TNR: variants seen among roughly 807,000 people sequenced by gnomAD.
The protein encoded by TNR is tenascin R, also known as tenascin-R.
Under a neutral mutation model 150.4 loss-of-function variants are expected in TNR, and 45 were observed. The observed-to-expected ratio is 0.30, with a 90% CI of 0.24 to 0.38. TNR has a LOEUF of 0.38. Among genes scored for constraint, TNR ranks in the 10% least tolerant of loss-of-function variants. The probability of loss-of-function intolerance (pLI) is 1.00; values close to 1 mark genes in which losing one functional copy is unlikely to be tolerated. For missense variants in TNR, 1,544 were observed against 1,759.1 expected, an observed-to-expected ratio of 0.88 and a Z score of 2.19; for synonymous variants, 687 against 678.4, an observed-to-expected ratio of 1.01 and a Z score of -0.20.
rs866372140 is a variant in TNR at position 175,546,918 on chromosome 1, C to T, written c.-164-18549G>A. ...CAAGTTGACCAGAGTCAATTTTTTCCCAGATAAGGAACTGGAGGCCAGTAA... is the reference window on the plus strand; with the variant it reads ...CAAGTTGACCAGAGTCAATTTTTTCTCAGATAAGGAACTGGAGGCCAGTAA... On this transcript the variant is annotated intron_variant, in intron 1 of 22. Transcript: ENST00000367674. Among the ~76,000 whole-genome samples the T allele has an allele frequency of 4.6e-5, 7 of 152,244 alleles. No homozygotes were observed. The Middle Eastern group carries it at 0.01, about 222-fold the overall frequency.
chr1:175,317,996 T>A lies in TNR; in HGVS notation c.*5361A>T, dbSNP rs1053662898. On this transcript the variant is annotated 3_prime_UTR_variant, in exon 23 of 23. Coordinates refer to ENST00000367674, the MANE Select transcript of TNR (RefSeq NM_003285.3). ...AATGAAGTCATGTTTCAGGCAAAGATTGACCTTAAAAAAATAAACAGAATG... is the reference window on the plus strand; with the variant it reads ...AATGAAGTCATGTTTCAGGCAAAGAATGACCTTAAAAAAATAAACAGAATG... 1 of 152,204 alleles carries A rather than the reference T, an allele frequency of 6.6e-6. No homozygotes were observed. Among genetic ancestry groups the A allele is most frequent in the Non-Finnish European group, 1.5e-5 (1 of 68,048 alleles). 9.4% of individuals were successfully genotyped at this position (152,204 alleles called of 1,614,324 possible).
chr1:175,494,423 G>A (rs1658394614), intron 2 of TNR, among the ~76,000 whole-genome samples: 1 of 152,234 alleles, frequency 6.6e-6, no homozygotes. Flanking sequence ...GGTCAGGAGA[G>A]GTTGGCATGG....
chr1:175,525,663 T>C (rs907321317), intron 2 of TNR, among the ~76,000 whole-genome samples: 3 of 152,358 alleles, frequency 2.0e-5, no homozygotes, highest in Non-Finnish European at 4.4e-5. Flanking sequence ...ACCTGGCTCC[T>C]TGGAGTCCTT....
chr1:175,508,380 A>G (rs1659039771), intron 2 of TNR, among the ~76,000 whole-genome samples: 1 of 152,214 alleles, frequency 6.6e-6, no homozygotes, highest in Admixed American at 6.5e-5. Context: ...GTCCCCAGTC[A>G]TGCCACCTCC....
intron 15 of TNR, among the ~76,000 whole-genome samples, chr1:175,358,384 A>G (rs1651426521): frequency 1.3e-5 from 2 of 152,262 alleles, no homozygotes; most frequent in Admixed American, 6.5e-5. Flanking sequence ...CAATGAAAAC[A>G]AAGACATAAA....
intron 1 of TNR, among the ~76,000 whole-genome samples, chr1:175,616,148 C>G (rs1403880313): frequency 6.6e-6 from 1 of 152,164 alleles, no homozygotes. Context: ...TTTCCCCATG[C>G]GACCCTAAAG....
intron 2 of TNR, among the ~76,000 whole-genome samples, chr1:175,508,116 G>T (rs1659031045): frequency 2.0e-5 from 3 of 152,102 alleles, no homozygotes; most frequent in Non-Finnish European, 4.4e-5. Context: ...GTCGCGGGGT[G>T]GGGGCAAGGG....
intron 1 of TNR, among the ~76,000 whole-genome samples, chr1:175,652,247 G>A (rs1302775953): frequency 3.4e-5 from 5 of 148,992 alleles, no homozygotes; most frequent in South Asian, 2.1e-4. Flanking sequence ...TTGTCACCTC[G>A]AGTTGAGAAA....
chr1:175,739,230 C>T (rs1342364532), intron 1 of TNR, among the ~76,000 whole-genome samples: 1 of 152,154 alleles, frequency 6.6e-6, no homozygotes, highest in Non-Finnish European at 1.5e-5. Context: ...AGGCAGAGGA[C>T]ATCAGCAACC....
intron 1 of TNR, among the ~76,000 whole-genome samples, chr1:175,649,029 T>C (rs1664879262): frequency 6.6e-6 from 1 of 152,130 alleles, no homozygotes; most frequent in Non-Finnish European, 1.5e-5. Context: ...TGACCTTGAT[T>C]CCTCCCCATA....
chr1:175,578,251 G>C (rs1449628682), intron 1 of TNR, among the ~76,000 whole-genome samples: 2 of 152,064 alleles, frequency 1.3e-5, no homozygotes, highest in Non-Finnish European at 2.9e-5. Flanking sequence ...GCATTCAGGG[G>C]AGATCTGGGG....
chr1:175,742,462 T>G (rs1667956700), intron 1 of TNR, among the ~76,000 whole-genome samples: 1 of 152,188 alleles, frequency 6.6e-6, no homozygotes, highest in Admixed American at 6.5e-5. Flanking sequence ...GGCATAAAAG[T>G]GGAGGGTACC....
chr1:175,331,065 CTTTCTTTCTTTCCT>C (rs1557867893), intron 20 of TNR, among the ~76,000 whole-genome samples: 3 of 129,856 alleles, frequency 2.3e-5, no homozygotes, highest in Non-Finnish European at 3.2e-5. Flanking sequence ...TTCTTTCTTT[CTTTCTTTCTTTCCT>C]TCTTTCTTTC....
At chr1:175,648,360 A>G (rs1571711373) in intron 1 of TNR, among the ~76,000 whole-genome samples, 2 of 152,316 alleles carry the variant, frequency 1.3e-5, no homozygotes, top group East Asian at 3.9e-4. Context: ...ATGTGATACC[A>G]GCTAGGTAGA....
rs111634616 is a variant in TNR at position 175,690,222 on chromosome 1, T to C, written c.-165+53004A>G. Reference sequence around the variant, plus strand: ...AATAAATTTTGATTTGAGTACCTACTACGTGTGGGGTACTGTTATAGGCTC... The same window carrying C: ...AATAAATTTTGATTTGAGTACCTACCACGTGTGGGGTACTGTTATAGGCTC... On this transcript the variant is annotated intron_variant, in intron 1 of 22. Transcript: ENST00000367674. 1.5e-3 allele frequency among the ~76,000 whole-genome samples: 231 copies of C among 152,342 alleles called. 4 individuals carry two copies. Among genetic ancestry groups the C allele is most frequent in the African/African-American group, 5.4e-3 (224 of 41,568 alleles).
chr1:175,430,784 T>C (rs533085360), intron 2 of TNR, among the ~76,000 whole-genome samples: 2 of 152,338 alleles, frequency 1.3e-5, no homozygotes, highest in East Asian at 3.9e-4. Context: ...TCACTGTCTT[T>C]AGATAAAACT....
intron 1 of TNR, among the ~76,000 whole-genome samples, chr1:175,734,407 G>T (rs140648682): frequency 1.1e-3 from 167 of 152,316 alleles, no homozygotes; most frequent in African/African-American, 3.4e-3. Context: ...GAAGTCAATG[G>T]ATTTCCCCAC....
chr1:175,646,409 T>G (rs1385564923), intron 1 of TNR, among the ~76,000 whole-genome samples: 1 of 152,210 alleles, frequency 6.6e-6, no homozygotes, highest in Non-Finnish European at 1.5e-5. Context: ...CAGTGCCAGG[T>G]AGAATTCTTG....
intron 1 of TNR, among the ~76,000 whole-genome samples, chr1:175,554,868 T>A (rs1207409206): frequency 6.6e-6 from 1 of 152,218 alleles, no homozygotes; most frequent in Admixed American, 6.5e-5. Context: ...GCCTTTGAGA[T>A]CATCTTATTC....
Sources: allele counts gnomAD v4.1 joint callset (sites outside exome capture counted in the v4.1 genomes callset), GRCh38; gene constraint gnomAD v4.1.1; transcripts MANE v1.5; gene names NCBI Gene and HGNC (gene_info 2026-07-23, HGNC 2026-07-21).